HUWE1: variants seen among roughly 807,000 people sequenced by gnomAD.
HUWE1 encodes HECT, UBA and WWE domain containing E3 ubiquitin protein ligase 1, also known as E3 ubiquitin-protein ligase HUWE1.
In HUWE1, 18 loss-of-function variants were observed where a neutral mutation model predicts 299.4. The ratio of observed to expected loss-of-function variants is 0.06; its 90% CI spans 0.04 to 0.09. The LOEUF (loss-of-function observed/expected upper bound fraction) is 0.09. Among genes scored for constraint, HUWE1 ranks in the 10% least tolerant of loss-of-function variants. The probability of loss-of-function intolerance (pLI) is 1.00; values close to 1 mark genes in which losing one functional copy is unlikely to be tolerated. For synonymous variants in HUWE1, 1,317 were observed against 1,286.1 expected (o/e 1.02, Z -0.51); for missense variants, 1,832 against 3,462.3 (o/e 0.53, Z 11.82).
At chrX:53,602,853 T>C (rs1284273431) in intron 27 of HUWE1, among the ~76,000 whole-genome samples, 195 bp from the exon 28 acceptor site, 5 of 108,107 alleles carry the variant, frequency 4.6e-5, no homozygotes, top group African/African-American at 1.0e-4. Flanking sequence ...CTTTTTTTTT[T>C]CTTTTTTTTT....
At chrX:53,534,253 T>TG (rs1174187357) in intron 82 of HUWE1, 56 bp from the exon 83 acceptor site, 31 of 1,007,764 alleles carry the variant, frequency 3.1e-5, no homozygotes, top group Admixed American at 9.0e-5. Context: ...AGAAGCAGGG[T>TG]GGGGGGGATG....
chrX:53,551,804 C>T (rs1222556606), intron 63 of HUWE1, among the ~76,000 whole-genome samples: 6 of 111,680 alleles, frequency 5.4e-5, no homozygotes, highest in South Asian at 3.8e-4. Flanking sequence ...CGAGCCACCG[C>T]GCCCAGCCTC....
chrX:53,544,882 G>A, intron 71 of HUWE1, 120 bp from the exon 72 acceptor site: 1 of 900,256 alleles, frequency 1.1e-6, no homozygotes, highest in East Asian at 3.2e-5. Context: ...AATCTTCCAA[G>A]TAGGAAGTAG....
At position 53,554,760 on chromosome X, in the gene HUWE1, A is replaced by G; in HGVS notation, c.8367T>C (p.Ser2789=). ...ALGEVPQELQ[S]PAGEGGSSTQ... The stretch of plus-strand genomic sequence containing the variant: ...TAGAGCTGCCCCCTTCTCCAGCTGG[A>G]GACTGCAGCTCCTGAGGAACCTCTC... The change falls in exon 61 of 84, where the codon TCT becomes TCC. Residue 2789 remains serine (S), a synonymous_variant. Transcript: ENST00000262854. 3 of 1,209,752 alleles carry G rather than the reference A, an allele frequency of 2.5e-6. No homozygotes were observed. Among genetic ancestry groups the G allele is most frequent in the Non-Finnish European group, 3.4e-6 (3 of 894,771 alleles).
Position 53,633,305 on chromosome X carries a change from A to AT in HUWE1, c.568-742dup, listed in dbSNP as rs782086441. On this transcript the variant is annotated intron_variant, in intron 8 of 83. Transcript: ENST00000262854. ...CACTGCATACCTCTTTATACTCTGA[A>AT]TTTTTTAACATGTATATGTATTACT... 1.9e-4 allele frequency among the ~76,000 whole-genome samples: 21 copies of AT among 112,504 alleles called. No homozygotes were observed. The East Asian group carries it at 2.0e-3, about 10-fold the overall frequency.
Position 53,606,313 on chromosome X carries a change from C to T in HUWE1, c.2496+1210G>A, listed in dbSNP as rs781973185. On this transcript the variant is annotated intron_variant, in intron 25 of 83. Coordinates refer to ENST00000262854, the MANE Select transcript of HUWE1 (RefSeq NM_031407.7). Reference sequence around the variant, plus strand: ...AAAAAGAACAATGAATTTGAATAGACATTTCTACAAAGAAGATATATACAT... The same window carrying T: ...AAAAAGAACAATGAATTTGAATAGATATTTCTACAAAGAAGATATATACAT... 2.2e-4 allele frequency among the ~76,000 whole-genome samples: 25 copies of T among 112,194 alleles called. No homozygotes were observed. In the South Asian group the frequency reaches 9.2e-3, roughly 41 times the overall value.
chrX:53,579,636 C>G (rs1428669393), intron 43 of HUWE1, among the ~76,000 whole-genome samples: 1 of 100,631 alleles, frequency 9.9e-6, no homozygotes, highest in Non-Finnish European at 2.0e-5. Context: ...TCCTGTTGAT[C>G]TGTGACCTTA....
At chrX:53,609,056 C>T in intron 23 of HUWE1, 147 bp from the exon 24 acceptor site, 1 of 479,876 alleles carries the variant, frequency 2.1e-6, no homozygotes. Context: ...CTTGCTGTCA[C>T]CCAGGCTGGA....
At chrX:53,563,420 T>C (rs1367894157) in intron 52 of HUWE1, among the ~76,000 whole-genome samples, 1 of 111,066 alleles carries the variant, frequency 9.0e-6, no homozygotes, top group African/African-American at 3.3e-5. Context: ...TGGACTTCAT[T>C]GAAGAACTGA....
At chrX:53,646,578 C>T (rs2068066036) in intron 6 of HUWE1, among the ~76,000 whole-genome samples, 2 of 111,712 alleles carry the variant, frequency 1.8e-5, no homozygotes, top group South Asian at 3.8e-4. Flanking sequence ...CCAATTATAC[C>T]GAAGGTCATG....
intron 82 of HUWE1, 40 bp downstream of exon 82, chrX:53,534,476 T>G: frequency 7.0e-6 from 8 of 1,147,632 alleles, no homozygotes; most frequent in Non-Finnish European, 9.5e-6. Context: ...TTGCCTAGGG[T>G]AAGAGGACCA....
At position 53,549,107 on chromosome X, in the gene HUWE1, C is replaced by T. The variant is rs1556926094; in HGVS notation, c.9887G>A (p.Cys3296Tyr). The change falls in exon 67 of 84, where the codon TGC (cysteine) becomes TAC (tyrosine). Residue 3296 changes from cysteine to tyrosine, a missense_variant. By Grantham distance (194) the Cys-to-Tyr change is radical. Around this residue, in one of 15 missense-constraint regions of HUWE1, gnomAD observed 80 missense variants for 142.1 expected, o/e 0.56. Transcript: ENST00000262854. ...LSVSMDAALG[C>Y]RTNIFQIQRS... ...CTGGATCTGAAATATATTAGTCCTG[C>T]AGCCTAGGGCTGCATCCATGGATAC... 1 of 1,210,659 alleles carries T rather than the reference C, an allele frequency of 8.3e-7. No individual in the cohort carries two copies. Among genetic ancestry groups the T allele is most frequent in the African/African-American group, 1.7e-5 (1 of 57,361 alleles).
At chrX:53,610,204 C>T (rs1557000861) in intron 23 of HUWE1, among the ~76,000 whole-genome samples, 1 of 111,286 alleles carries the variant, frequency 9.0e-6, no homozygotes, top group East Asian at 2.8e-4. Flanking sequence ...CCCAGAGACA[C>T]CCAACCCTTT....
intron 3 of HUWE1, among the ~76,000 whole-genome samples, chrX:53,665,033 C>T (rs1325268126): frequency 8.9e-6 from 1 of 112,013 alleles, no homozygotes; most frequent in African/African-American, 3.2e-5. Flanking sequence ...GAAGACTGTG[C>T]CCAGTTTACT....
chrX:53,595,015 T>C (rs868958644), intron 30 of HUWE1, among the ~76,000 whole-genome samples, 172 bp downstream of exon 30: 6 of 112,165 alleles, frequency 5.3e-5, no homozygotes, highest in Admixed American at 9.4e-5. Context: ...TTACCCATGT[T>C]CTGTACTAGG....
At position 53,551,470 on chromosome X, in the gene HUWE1, G is replaced by A; in HGVS notation, c.8892C>T (p.Leu2964=). The change falls in exon 64 of 84, where the codon CTC becomes CTT. Residue 2964 remains leucine (L), a synonymous_variant. Transcript: ENST00000262854. ...GAAAAGAGGGGTCCACACCTTCAGG[G>A]AGACTGATACCTGAAGGGAGATATA... ...EEEDPLAGIS[L]PEGVDPSFLA... 1 of 1,192,715 alleles carries A rather than the reference G, an allele frequency of 8.4e-7. No individual in the cohort carries two copies.
intron 35 of HUWE1, 71 bp from the exon 36 acceptor site, chrX:53,589,887 G>C: frequency 9.4e-7 from 1 of 1,061,430 alleles, no homozygotes; most frequent in Non-Finnish European, 1.3e-6. Context: ...GAGACTCTGA[G>C]AATGTTTTTG....
Position 53,602,550 on chromosome X carries a change from T to A in HUWE1, c.2971+14A>T. ...TTAGAAGTAATGACTAACATTTTAG[T>A]TTCTTAGAGTTACCTGATCTTTTTC... On this transcript the variant is annotated intron_variant, in intron 28 of 83. Coordinates refer to ENST00000262854, the MANE Select transcript of HUWE1 (RefSeq NM_031407.7). 9.8e-7 allele frequency: 1 copy of A among 1,019,001 alleles called. No individual in the cohort carries two copies. The highest frequency in any genetic ancestry group is 3.0e-5 in the East Asian group (1 of 32,993). The allele number at this position is 1,019,001 out of a possible 1,213,427, so 84.0% of individuals were successfully genotyped here.
rs146386689 is a variant in HUWE1 at position 53,576,960 on chromosome X, T to C, written c.5824A>G (p.Ile1942Val). Residue 1942 changes from isoleucine (I) to valine (V), a missense_variant, in exon 44 of 84, where the codon ATC becomes GTC. Coordinates refer to ENST00000262854, the MANE Select transcript of HUWE1 (RefSeq NM_031407.7). ...PSPLPVIPDT[I>V]KEVIYDMLNA... ...AGCATATCATAGATCACTTCCTTGA[T>C]AGTATCAGGGATGACAGGCAGAGGT... 1 of 1,204,974 alleles carries C rather than the reference T, an allele frequency of 8.3e-7. No homozygotes were observed. The highest frequency in any genetic ancestry group is 1.1e-6 in the Non-Finnish European group (1 of 890,778).
Sources: gnomAD v4.1 joint callset for allele counts (sites outside exome capture counted in the v4.1 genomes callset) on GRCh38, gnomAD v4.1.1 for gene constraint, gnomAD v4.1.1 regional missense constraint, MANE v1.5 for transcripts, NCBI Gene and HGNC (gene_info 2026-07-23, HGNC 2026-07-21) for gene names.